LRRFIP1: variants seen among roughly 807,000 people sequenced by gnomAD.
LRRFIP1 encodes the protein LRR binding FLII interacting protein 1.
Under a neutral mutation model 104.4 loss-of-function variants are expected in LRRFIP1, and 62 were observed. The ratio of observed to expected loss-of-function variants is 0.59; its 90% CI spans 0.48 to 0.73. The LOEUF is 0.73. Among genes scored for constraint, LRRFIP1 ranks in the 30% least tolerant of loss-of-function variants. The pLI is 0.00. For synonymous variants in LRRFIP1, 300 were observed against 299.0 expected, an observed-to-expected ratio of 1.00 and a Z score of -0.03; for missense variants, 796 against 824.5, an observed-to-expected ratio of 0.97 and a Z score of 0.42.
intron 1 of LRRFIP1, among the ~76,000 whole-genome samples, chr2:237,633,612 G>A (rs1266923152): frequency 6.6e-5 from 10 of 152,202 alleles, no homozygotes; most frequent in African/African-American, 4.8e-5. Flanking sequence ...AGAGAGGGGC[G>A]AATGGAGGTT....
chr2:237,775,297 G>A (rs2060983846), intron 23 of LRRFIP1, among the ~76,000 whole-genome samples: 1 of 152,326 alleles, frequency 6.6e-6, no homozygotes, highest in African/African-American at 2.4e-5. Flanking sequence ...AGCCTTCCGC[G>A]CAAAGGATCA....
chr2:237,693,601 AAG>A (rs151046169), intron 1 of LRRFIP1, among the ~76,000 whole-genome samples: 1 of 152,210 alleles, frequency 6.6e-6, no homozygotes, highest in African/African-American at 2.4e-5. Context: ...GGGGCCTGGG[AAG>A]AGAGACCCTT....
intron 1 of LRRFIP1, among the ~76,000 whole-genome samples, chr2:237,699,314 A>T (rs571839106): frequency 1.2e-4 from 18 of 151,292 alleles, no homozygotes; most frequent in Non-Finnish European, 2.5e-4. Flanking sequence ...CAGTTTGTAA[A>T]TCCAAAAATT....
rs1305693156 is a variant in LRRFIP1 at position 237,711,656 on chromosome 2, C to G, written c.184-2603C>G. ...CTCCTGCCTGGGGTTGGTCACGGAC[C>G]AGGAGCCAGAGCCACCCAAATTTAC... On this transcript the variant is annotated intron_variant, in intron 2 of 23. Transcript: ENST00000308482. This position sits in a 1 kb window ranked among gnomAD's most constrained non-coding sequence, Gnocchi z 4.4. Among the ~76,000 whole-genome samples, 4 of 152,200 alleles carry G rather than the reference C, an allele frequency of 2.6e-5. No homozygotes were observed. Among genetic ancestry groups the G allele is most frequent in the Non-Finnish European group, 5.9e-5 (4 of 68,036 alleles).
At chr2:237,676,306 G>C (rs2091152509) in intron 1 of LRRFIP1, among the ~76,000 whole-genome samples, 1 of 152,122 alleles carries the variant, frequency 6.6e-6, no homozygotes, top group Non-Finnish European at 1.5e-5. Flanking sequence ...AAGCAGTATT[G>C]CATGACACCA....
chr2:237,734,103 T>C (rs1351906360), intron 9 of LRRFIP1, among the ~76,000 whole-genome samples: 1 of 152,250 alleles, frequency 6.6e-6, no homozygotes, highest in Admixed American at 6.5e-5. Flanking sequence ...ATGTTTACTT[T>C]ACCTATTGGC....
chr2:237,755,944 A>G (rs1178148688), intron 15 of LRRFIP1, 151 bp from the exon 16 acceptor site: 3 of 466,750 alleles, frequency 6.4e-6, no homozygotes, highest in African/African-American at 2.0e-5. Flanking sequence ...AAAAAAATAT[A>G]TAAATAAAAA....
chr2:237,654,741 G>A (rs1301864579), intron 1 of LRRFIP1, among the ~76,000 whole-genome samples: 5 of 152,022 alleles, frequency 3.3e-5, no homozygotes, highest in Non-Finnish European at 7.4e-5. Context: ...AGTAGAGATG[G>A]GTTTTCACCA....
chr2:237,748,293 A>T, intron 11 of LRRFIP1, 71 bp from the exon 12 acceptor site: 3 of 1,090,528 alleles, frequency 2.8e-6, no homozygotes, highest in South Asian at 2.6e-5. Flanking sequence ...TTTATCATTC[A>T]TAGCCCCATC....
chr2:237,748,292 C>A, intron 11 of LRRFIP1, 72 bp from the exon 12 acceptor site: 1 of 1,093,094 alleles, frequency 9.1e-7, no homozygotes, highest in Non-Finnish European at 1.4e-6. Context: ...GTTTATCATT[C>A]ATAGCCCCAT....
rs1011191907 is a variant in LRRFIP1, at chr2:237,771,912, A to G, written c.1510-169A>G. ...TTCTCTCAGAGTTACAGTGTAATTC[A>G]TTTTTCATTCATTGTACATTGAATT... On this transcript the variant is annotated intron_variant, in intron 20 of 23. Transcript: ENST00000308482. 5.1e-6 allele frequency: 3 copies of G among 593,498 alleles called. No homozygotes were observed. The African/African-American group carries it at 5.6e-5, about 11-fold the overall frequency. The allele number at this position is 593,498 out of a possible 1,614,324, so 36.8% of individuals were successfully genotyped here.
rs547041257 is a variant in LRRFIP1 at position 237,691,099 on chromosome 2, C to A, written c.97-17445C>A. On this transcript the variant is annotated intron_variant, in intron 1 of 23. Coordinates refer to ENST00000308482, the MANE Select transcript of LRRFIP1 (RefSeq NM_001137550.2). The surrounding 1 kb of genome is among the most constrained non-coding windows in gnomAD (Gnocchi z 5.4). Reference sequence around the variant, plus strand: ...GTGAGTGCTCACAGGCGCGAGCTCACGTTACCAAGTTGGGTCAGCGTGCAG... The same window carrying A: ...GTGAGTGCTCACAGGCGCGAGCTCAAGTTACCAAGTTGGGTCAGCGTGCAG... 6.6e-6 allele frequency among the ~76,000 whole-genome samples: 1 copy of A among 151,806 alleles called. No homozygotes were observed. Among genetic ancestry groups the A allele is most frequent in the African/African-American group, 2.4e-5 (1 of 41,122 alleles).
intron 13 of LRRFIP1, 121 bp from the exon 14 acceptor site, chr2:237,751,074 TAATAA>T: frequency 1.6e-6 from 1 of 617,908 alleles, no homozygotes; most frequent in Non-Finnish European, 2.9e-6. Flanking sequence ...CCTTAACGCT[TAATAA>T]AATAAAAAAG....
chr2:237,630,389 G>C (rs1270675664), intron 1 of LRRFIP1, among the ~76,000 whole-genome samples: 1 of 152,204 alleles, frequency 6.6e-6, no homozygotes, highest in African/African-American at 2.4e-5. Flanking sequence ...GTCCTGGGGA[G>C]ACTGGAGAGT....
intron 1 of LRRFIP1, among the ~76,000 whole-genome samples, chr2:237,665,991 CA>C (rs1257709997): frequency 6.6e-6 from 1 of 152,236 alleles, no homozygotes; most frequent in Non-Finnish European, 1.5e-5. Context: ...CGGCCTTCCC[CA>C]GGGGCGTCCC....
In LRRFIP1 at chr2:237,751,391, G is replaced by C. The variant is rs2058612125; in HGVS notation, c.867+120G>C. 7.9e-6 allele frequency: 6 copies of C among 759,830 alleles called. No individual in the cohort carries two copies. In the East Asian group the frequency reaches 1.6e-4, roughly 20 times the overall value. The allele number at this position is 759,830 out of a possible 1,614,324, so 47.1% of individuals were successfully genotyped here. A position where few individuals can be genotyped will look rare whatever the true frequency, so the allele number is the denominator to read the frequency against. On this transcript the variant is annotated intron_variant, in intron 14 of 23. Transcript: ENST00000308482. The stretch of plus-strand genomic sequence containing the variant: ...TACTGTAAATAGGCTCCAGGGTGTA[G>C]AAGAACTCACAATGGCAGGAGTGCC...
chr2:237,744,620 C>T (rs1045390017), intron 11 of LRRFIP1, among the ~76,000 whole-genome samples: 7 of 152,248 alleles, frequency 4.6e-5, no homozygotes, highest in African/African-American at 1.7e-4. Context: ...GTAAACTAAA[C>T]TTCCACAGAC....
At chr2:237,640,353 G>A (rs1431711746) in intron 1 of LRRFIP1, among the ~76,000 whole-genome samples, 1 of 152,044 alleles carries the variant, frequency 6.6e-6, no homozygotes, top group African/African-American at 2.4e-5. Flanking sequence ...TAGCATGGAA[G>A]TTGATCTCTC....
In LRRFIP1 at chr2:237,762,785, T is replaced by C. The variant is rs150913377; in HGVS notation, c.1459+2580T>C. 29 of 1,614,096 alleles carry C rather than the reference T, an allele frequency of 1.8e-5. No individual in the cohort carries two copies. Among genetic ancestry groups the C allele is most frequent in the Non-Finnish European group, 2.5e-5 (29 of 1,180,042 alleles). ...GAAATCCTCTGAAGACACTGCCCCATTCCTAGGAACCTTAGCAGGTGCTAC... is the reference window on the plus strand; with the variant it reads ...GAAATCCTCTGAAGACACTGCCCCACTCCTAGGAACCTTAGCAGGTGCTAC... On this transcript the variant is annotated intron_variant, in intron 19 of 23. Transcript: ENST00000308482.
Sources: gnomAD v4.1 joint callset for allele counts (sites outside exome capture counted in the v4.1 genomes callset) on GRCh38, gnomAD v4.1.1 for gene constraint, Gnocchi (gnomAD v3.1) non-coding constraint, MANE v1.5 for transcripts, NCBI Gene and HGNC (gene_info 2026-07-23, HGNC 2026-07-21) for gene names.